Variants in PEAK1 observed in about 807,000 individuals in gnomAD.
PEAK1 encodes inactive tyrosine-protein kinase PEAK1.
PEAK1 carries 54 observed loss-of-function variants against 124.7 expected under a neutral mutation model. The ratio of observed to expected loss-of-function variants is 0.43; its 90% CI spans 0.35 to 0.54. PEAK1 has a LOEUF of 0.54. PEAK1 is among the 20% of genes least tolerant of loss of function. The pLI is 0.01. For missense variants in PEAK1, 2,046 were observed against 2,134.5 expected, an observed-to-expected ratio of 0.96 and a Z score of 0.82; for synonymous variants, 719 against 760.0, an observed-to-expected ratio of 0.95 and a Z score of 0.89.
chr15:77,397,788 A>G (rs537799236), intron 1 of PEAK1, among the ~76,000 whole-genome samples: 2 of 152,256 alleles, frequency 1.3e-5, no homozygotes, highest in East Asian at 3.9e-4. Context: ...GGCCAGGTGC[A>G]GTGGCTCATG....
At position 77,374,844 on chromosome 15, in the gene PEAK1, C is replaced by A. The variant is rs1015157014; in HGVS notation, c.-665-9619G>T. On this transcript the variant is annotated intron_variant, in intron 1 of 9. Coordinates refer to ENST00000682557, the MANE Select transcript of PEAK1 (RefSeq NM_001385026.1). Reference sequence around the variant, plus strand: ...AATTTAAAACAAAAACAAAACCCTGCTGTGCTATATACTGTATTAATGAAA... The same window carrying A: ...AATTTAAAACAAAAACAAAACCCTGATGTGCTATATACTGTATTAATGAAA... Among the ~76,000 whole-genome samples, 12 of 152,232 alleles carry A rather than the reference C, an allele frequency of 7.9e-5. 1 individual carries two copies. In the South Asian group the frequency reaches 2.3e-3, roughly 29 times the overall value.
intron 9 of PEAK1, among the ~76,000 whole-genome samples, chr15:77,116,701 AATCTATCTATCTATCTATCTATCTATCT>A (rs34607835): frequency 6.9e-6 from 1 of 145,752 alleles, no homozygotes; most frequent in Non-Finnish European, 1.5e-5. Context: ...GAAATCAATC[AATCTATCTATCTATCTATCTATCTATCT>A]ATCTATCTAT....
At chr15:77,249,660 C>T (rs926215553) in intron 6 of PEAK1, among the ~76,000 whole-genome samples, 4 of 152,028 alleles carry the variant, frequency 2.6e-5, no homozygotes, top group Admixed American at 6.6e-5. Flanking sequence ...AGAATCAGTG[C>T]AGTTATTTTA....
chr15:77,319,454 T>G (rs1410017829), intron 2 of PEAK1, among the ~76,000 whole-genome samples: 1 of 152,170 alleles, frequency 6.6e-6, no homozygotes, highest in Non-Finnish European at 1.5e-5. Context: ...TTAAAGTTCT[T>G]AAATAAAAGA....
At chr15:77,391,760 A>C (rs1453943500) in intron 1 of PEAK1, among the ~76,000 whole-genome samples, 1 of 152,226 alleles carries the variant, frequency 6.6e-6, no homozygotes, top group East Asian at 1.9e-4. Flanking sequence ...CCAACTCGTG[A>C]CATTGTATAC....
chr15:77,229,649 C>CT (rs200956203), intron 6 of PEAK1, among the ~76,000 whole-genome samples: 1,764 of 138,902 alleles, frequency 0.013, 27 homozygotes, highest in African/African-American at 0.034. Context: ...TCTTTTCTTT[C>CT]TTTTTTTTTT....
chr15:77,372,271 G>T (rs1275518682), intron 1 of PEAK1, among the ~76,000 whole-genome samples: 2 of 152,128 alleles, frequency 1.3e-5, no homozygotes, highest in East Asian at 3.9e-4. Flanking sequence ...CCACATACTT[G>T]CTCCTGACAA....
At chr15:77,246,250 G>A (rs566254086) in intron 6 of PEAK1, among the ~76,000 whole-genome samples, 1 of 152,060 alleles carries the variant, frequency 6.6e-6, no homozygotes, top group Non-Finnish European at 1.5e-5. Flanking sequence ...CTCATGATCC[G>A]CCTGCCTCGG....
intron 1 of PEAK1, among the ~76,000 whole-genome samples, chr15:77,415,339 C>T (rs777941145): frequency 6.6e-6 from 1 of 152,202 alleles, no homozygotes; most frequent in African/African-American, 2.4e-5. Flanking sequence ...CCTTGGAAGC[C>T]GTTTACAAAG....
chr15:77,274,301 T>G (rs2062193241), intron 5 of PEAK1, among the ~76,000 whole-genome samples: 1 of 152,074 alleles, frequency 6.6e-6, no homozygotes. Flanking sequence ...AAAAAGCTTC[T>G]GCACAGCAAA....
intron 1 of PEAK1, among the ~76,000 whole-genome samples, chr15:77,397,641 A>G (rs2071003207): frequency 6.6e-6 from 1 of 152,198 alleles, no homozygotes; most frequent in South Asian, 2.1e-4. Flanking sequence ...GGATCATTAG[A>G]GGCTACTATG....
At chr15:77,357,132 A>C (rs2067570429) in intron 2 of PEAK1, among the ~76,000 whole-genome samples, 1 of 152,224 alleles carries the variant, frequency 6.6e-6, no homozygotes, top group African/African-American at 2.4e-5. Flanking sequence ...TCAGCAGCGC[A>C]TGGTGGCACA....
At chr15:77,291,388 C>A (rs1284600022) in intron 2 of PEAK1, among the ~76,000 whole-genome samples, 2 of 152,160 alleles carry the variant, frequency 1.3e-5, no homozygotes, top group East Asian at 1.9e-4. Context: ...TCTCCTCACA[C>A]ATAAACACTA....
chr15:77,216,033 G>A (rs989243181), intron 6 of PEAK1, among the ~76,000 whole-genome samples: 21 of 151,950 alleles, frequency 1.4e-4, no homozygotes, highest in African/African-American at 4.8e-4. Flanking sequence ...GCTATTTTAG[G>A]CTATCTTCCC....
At chr15:77,352,836 A>G (rs972210746) in intron 2 of PEAK1, 1 of 985,430 alleles carries the variant, frequency 1.0e-6, no homozygotes, top group Non-Finnish European at 1.2e-6. Context: ...ACAGGTGTTC[A>G]TAACAGCTTT....
At chr15:77,382,614 G>C (rs1247688688) in intron 1 of PEAK1, among the ~76,000 whole-genome samples, 2 of 152,060 alleles carry the variant, frequency 1.3e-5, no homozygotes, top group Non-Finnish European at 2.9e-5. Context: ...TCCAAAACTA[G>C]GGAATGCTTG....
intron 6 of PEAK1, among the ~76,000 whole-genome samples, chr15:77,234,097 C>A (rs2060015971): frequency 6.6e-6 from 1 of 152,116 alleles, no homozygotes; most frequent in Non-Finnish European, 1.5e-5. Context: ...AACTCCTAGA[C>A]TTGAGTGATT....
intron 2 of PEAK1, among the ~76,000 whole-genome samples, chr15:77,316,083 A>G (rs2064852214): frequency 6.6e-6 from 1 of 152,142 alleles, no homozygotes; most frequent in Admixed American, 6.5e-5. Flanking sequence ...CTATAAATCT[A>G]AAACTGCTCT....
At chr15:77,358,539 CG>C (rs1280965786) in intron 2 of PEAK1, among the ~76,000 whole-genome samples, 4 of 152,198 alleles carry the variant, frequency 2.6e-5, no homozygotes, top group African/African-American at 9.6e-5. Flanking sequence ...CCACCCTTTT[CG>C]AAACACTCTA....
Sources: allele counts gnomAD v4.1 joint callset (sites outside exome capture counted in the v4.1 genomes callset), GRCh38; gene constraint gnomAD v4.1.1; transcripts MANE v1.5; gene names NCBI Gene and HGNC (gene_info 2026-07-23, HGNC 2026-07-21).